Variants in XKR4 observed in about 807,000 individuals in gnomAD.
The protein encoded by XKR4 is XK-related protein 4.
A neutral mutation model predicts 53.9 loss-of-function variants in XKR4; 12 were observed. The observed-to-expected ratio is 0.22, with a 90% CI of 0.14 to 0.36. The LOEUF is 0.36. Among genes scored for constraint, XKR4 ranks in the 10% least tolerant of loss-of-function variants. The pLI, the probability that XKR4 is intolerant of heterozygous loss-of-function variation, is 1.00. For synonymous variants in XKR4, 354 were observed against 362.4 expected, an observed-to-expected ratio of 0.98 and a Z score of 0.26; for missense variants, 799 against 859.5, an observed-to-expected ratio of 0.93 and a Z score of 0.88.
intron 1 of XKR4, among the ~76,000 whole-genome samples, chr8:55,333,275 A>G (rs1022894021): frequency 6.6e-6 from 1 of 152,082 alleles, no homozygotes; most frequent in East Asian, 1.9e-4. Flanking sequence ...TGAATTGGCC[A>G]TGTTTGTCCA....
chr8:55,528,756 C>A lies in XKR4; in HGVS notation c.*4529C>A, dbSNP rs1163606804. ...ATCAACGTTCCTTTGTCTCGGCAAT[C>A]CAATGTCATTTTTGAAAACAATCAA... On this transcript the variant is annotated 3_prime_UTR_variant, in exon 3 of 3. Coordinates refer to ENST00000327381, the MANE Select transcript of XKR4 (RefSeq NM_052898.2). The A allele has an allele frequency of 1.3e-5, 2 of 152,094 alleles. No homozygotes were observed. Among genetic ancestry groups the A allele is most frequent in the African/African-American group, 4.8e-5 (2 of 41,416 alleles). The allele number at this position is 152,094 out of a possible 1,614,324, so 9.4% of individuals were successfully genotyped here. A position where few individuals can be genotyped will look rare whatever the true frequency, so the allele number is the denominator to read the frequency against.
At chr8:55,296,244 G>A (rs952901527) in intron 1 of XKR4, among the ~76,000 whole-genome samples, 1 of 152,156 alleles carries the variant, frequency 6.6e-6, no homozygotes, top group Non-Finnish European at 1.5e-5. Context: ...TTAAGGAAAT[G>A]CTGTTGCACG....
intron 1 of XKR4, among the ~76,000 whole-genome samples, chr8:55,323,003 G>A (rs931646640): frequency 1.4e-4 from 22 of 151,942 alleles, no homozygotes; most frequent in Non-Finnish European, 2.5e-4. Context: ...TCAACGTTTT[G>A]CCATTCAGTA....
chr8:55,171,485 G>T (rs16921303), intron 1 of XKR4, among the ~76,000 whole-genome samples: 272 of 152,234 alleles, frequency 1.8e-3, no homozygotes, highest in African/African-American at 6.2e-3. Flanking sequence ...ACGTCTCCGT[G>T]TCATTTTACC....
At chr8:55,123,628 G>A (rs936387073) in intron 1 of XKR4, among the ~76,000 whole-genome samples, 1 of 152,150 alleles carries the variant, frequency 6.6e-6, no homozygotes, top group Non-Finnish European at 1.5e-5. Flanking sequence ...CCAGACTCAG[G>A]ACAGGCCTGG....
At chr8:55,490,313 T>A (rs1323438959) in intron 2 of XKR4, among the ~76,000 whole-genome samples, 1 of 152,198 alleles carries the variant, frequency 6.6e-6, no homozygotes, top group East Asian at 1.9e-4. Context: ...GTCATTATCC[T>A]AAGTGAATTA....
chr8:55,221,058 T>G (rs906064651), intron 1 of XKR4, among the ~76,000 whole-genome samples: 12 of 152,190 alleles, frequency 7.9e-5, no homozygotes, highest in African/African-American at 2.9e-4. Flanking sequence ...CTTATATGTT[T>G]TGAGAATCAT....
At chr8:55,382,253 A>G (rs900745382) in intron 2 of XKR4, among the ~76,000 whole-genome samples, 3 of 152,218 alleles carry the variant, frequency 2.0e-5, no homozygotes, top group Non-Finnish European at 4.4e-5. Flanking sequence ...TAATGAATGA[A>G]AGTAGTCATT....
At chr8:55,505,285 A>G (rs921994756) in intron 2 of XKR4, among the ~76,000 whole-genome samples, 15 of 152,132 alleles carry the variant, frequency 9.9e-5, no homozygotes, top group Non-Finnish European at 2.2e-4. Context: ...TTGTCTCAAG[A>G]TATTTTATAA....
At chr8:55,372,168 C>A (rs1449845244) in intron 2 of XKR4, among the ~76,000 whole-genome samples, 2 of 152,196 alleles carry the variant, frequency 1.3e-5, no homozygotes, top group Admixed American at 1.3e-4. Context: ...CTGTTTGGAA[C>A]AAAGAAGCAT....
At chr8:55,505,824 G>A (rs1044963527) in intron 2 of XKR4, among the ~76,000 whole-genome samples, 1 of 152,006 alleles carries the variant, frequency 6.6e-6, no homozygotes, top group African/African-American at 2.4e-5. Context: ...CTTCTTTTTG[G>A]TTGAACAACC....
chr8:55,221,447 G>C (rs1465984061), intron 1 of XKR4, among the ~76,000 whole-genome samples: 8 of 152,170 alleles, frequency 5.3e-5, no homozygotes, highest in Admixed American at 1.3e-4. Flanking sequence ...CCTCCCTTGA[G>C]AGCAGGGTGT....
intron 1 of XKR4, among the ~76,000 whole-genome samples, chr8:55,190,749 A>G (rs1817435624): frequency 6.6e-6 from 1 of 152,180 alleles, no homozygotes; most frequent in African/African-American, 2.4e-5. Context: ...TGCGTTCTGG[A>G]CCAGCAGCAA....
At position 55,523,303 on chromosome 8, in the gene XKR4, C is replaced by T; in HGVS notation, c.1029C>T (p.Leu343=). 3.1e-6 allele frequency: 5 copies of T among 1,607,672 alleles called. No homozygotes were observed. Among genetic ancestry groups the T allele is most frequent in the East Asian group, 2.2e-5 (1 of 44,790 alleles). Residue 343 remains leucine (L), a synonymous_variant, in exon 3 of 3, where the codon CTC becomes CTT. Coordinates refer to ENST00000327381, the MANE Select transcript of XKR4 (RefSeq NM_052898.2). ...ALQGFTAAAS[L]VSLAWALASY... ...TAGGTTTCACAGCGGCAGCTTCCCT[C>T]GTGTCCCTGGCCTGGGCCTTGGCCT...
At chr8:55,122,742 A>G (rs765966504) in intron 1 of XKR4, among the ~76,000 whole-genome samples, 23 of 152,226 alleles carry the variant, frequency 1.5e-4, no homozygotes, top group Non-Finnish European at 3.2e-4. Context: ...TGAATGAAAT[A>G]TTGTTCAAAT....
intron 2 of XKR4, among the ~76,000 whole-genome samples, chr8:55,387,794 T>C (rs902325992): frequency 6.6e-6 from 1 of 152,160 alleles, no homozygotes; most frequent in Non-Finnish European, 1.5e-5. Context: ...GCCAATAGCC[T>C]GTCCCTCTCA....
Position 55,103,264 on chromosome 8 carries a change from T to C in XKR4, c.776T>C (p.Ile259Thr). The change falls in exon 1 of 3, where the codon ATC becomes ACC. Residue 259 changes from isoleucine to threonine, a missense_variant. Transcript: ENST00000327381. ...SFCIWLLQSL[I>T]HILQLGQIWR... ...TGCATCTGGCTCCTGCAGTCACTCA[T>C]CCACATCTTGCAGCTCGGGCAAATC... 1 of 1,611,016 alleles carries C rather than the reference T, an allele frequency of 6.2e-7. No homozygotes were observed.
At chr8:55,483,127 G>GA (rs571601359) in intron 2 of XKR4, among the ~76,000 whole-genome samples, 115 of 152,002 alleles carry the variant, frequency 7.6e-4, no homozygotes, top group African/African-American at 2.0e-3. Flanking sequence ...TATTGTTTGG[G>GA]AAAAAAATGG....
chr8:55,388,897 G>A (rs1449203096), intron 2 of XKR4, among the ~76,000 whole-genome samples: 1 of 152,186 alleles, frequency 6.6e-6, no homozygotes, highest in Non-Finnish European at 1.5e-5. Context: ...GGGTTGAATT[G>A]TGACACCACA....
Sources: allele counts gnomAD v4.1 joint callset (sites outside exome capture counted in the v4.1 genomes callset), GRCh38; gene constraint gnomAD v4.1.1; transcripts MANE v1.5; gene names NCBI Gene and HGNC (gene_info 2026-07-23, HGNC 2026-07-21).